RALGAPB: variants seen among roughly 807,000 people sequenced by gnomAD.
The protein encoded by RALGAPB is ral GTPase-activating protein subunit beta.
RALGAPB carries 25 observed loss-of-function variants against 161.1 expected under a neutral mutation model. The observed-to-expected ratio is 0.16, with a 90% CI of 0.11 to 0.22. The LOEUF (loss-of-function observed/expected upper bound fraction) is 0.22, where lower values mean the gene tolerates loss of function less well. Among genes scored for constraint, RALGAPB ranks in the 10% least tolerant of loss-of-function variants. The pLI is 1.00. For synonymous variants in RALGAPB, 629 were observed against 626.1 expected (o/e 1.00, Z -0.07); for missense variants, 1,391 against 1,815.2 (o/e 0.77, Z 4.25).
At position 38,548,769 on chromosome 20, in the gene RALGAPB, C is replaced by T; in HGVS notation, c.2983C>T (p.Pro995Ser). 6.2e-7 allele frequency: 1 copy of T among 1,613,454 alleles called. No individual in the cohort carries two copies. Among genetic ancestry groups the T allele is most frequent in the Non-Finnish European group, 8.5e-7 (1 of 1,179,418 alleles). Reference protein sequence around the residue: ...LAWAQQLCLLPRGAKANQKLF... With the variant: ...LAWAQQLCLLSRGAKANQKLF... ...TTGGGCACAACAGCTTTGTCTTTTA[C>T]CCAGAGGAGCAAAAGCAAATCAGAA... Residue 995 changes from proline (P) to serine (S), a missense_variant, in exon 20 of 30, where the codon CCC becomes TCC. This residue lies in a region of RALGAPB where 946 missense variants were observed against 1,257.2 expected (regional missense o/e 0.75). Coordinates refer to ENST00000262879, the MANE Select transcript of RALGAPB (RefSeq NM_020336.4).
intron 3 of RALGAPB, among the ~76,000 whole-genome samples, chr20:38,496,929 C>G (rs1356160034): frequency 6.6e-6 from 1 of 152,054 alleles, no homozygotes; most frequent in Non-Finnish European, 1.5e-5. Context: ...AGAATTCTTG[C>G]AAATATGTGT....
intron 16 of RALGAPB, among the ~76,000 whole-genome samples, chr20:38,537,044 G>T (rs1391882286): frequency 4.6e-5 from 7 of 152,194 alleles, no homozygotes; most frequent in African/African-American, 7.2e-5. Flanking sequence ...CCTAAATGGA[G>T]CACTGCTCTG....
In RALGAPB at chr20:38,555,604, A is replaced by T. The variant is rs1031699680; in HGVS notation, c.3372+1528A>T. ...AGTAAATAAAAATATACTAGAAGAA[A>T]ATTAATGCTTCCTATGGACTTCAGG... On this transcript the variant is annotated intron_variant, in intron 22 of 29. Transcript: ENST00000262879. 2.0e-5 allele frequency among the ~76,000 whole-genome samples: 3 copies of T among 152,286 alleles called. No individual in the cohort carries two copies. In the East Asian group the frequency reaches 5.8e-4, roughly 29 times the overall value.
In RALGAPB at chr20:38,575,183, A is replaced by G. The variant is rs2088392590; in HGVS notation, c.*216A>G. 9 of 508,306 alleles carry G rather than the reference A, an allele frequency of 1.8e-5. No individual in the cohort carries two copies. Among genetic ancestry groups the G allele is most frequent in the Non-Finnish European group, 2.4e-5 (7 of 287,770 alleles). The allele number at this position is 508,306 out of a possible 1,614,324, so 31.5% of individuals were successfully genotyped here. A position where few individuals can be genotyped will look rare whatever the true frequency, so the allele number is the denominator to read the frequency against. On this transcript the variant is annotated 3_prime_UTR_variant, in exon 30 of 30. Transcript: ENST00000262879. ...CAGACACAATCACACTCCTGCTGAT[A>G]ATGATGATATACATTTTAGCCATAA...
Position 38,524,769 on chromosome 20 carries a change from C to T in RALGAPB, c.1620-9C>T, listed in dbSNP as rs760789036. 4 of 1,585,448 alleles carry T rather than the reference C, an allele frequency of 2.5e-6. No homozygotes were observed. Among genetic ancestry groups the T allele is most frequent in the Non-Finnish European group, 2.6e-6 (3 of 1,160,808 alleles). ...CAGTTTGTTTAAAATTTTTTTCTTG[C>T]TTTCCTAGATTTTACATGCTTTTAA... is the stretch of plus-strand genomic sequence containing the variant. On this transcript the variant is annotated splice_polypyrimidine_tract_variant and intron_variant, in intron 10 of 29. Transcript: ENST00000262879.
At chr20:38,483,783 C>G (rs1194636095) in intron 1 of RALGAPB, among the ~76,000 whole-genome samples, 1 of 152,100 alleles carries the variant, frequency 6.6e-6, no homozygotes, top group Non-Finnish European at 1.5e-5. Context: ...CTAGGAGGGC[C>G]TAGGTGGTGC....
intron 6 of RALGAPB, among the ~76,000 whole-genome samples, chr20:38,510,050 A>G (rs575246622): frequency 7.2e-5 from 11 of 151,782 alleles, no homozygotes; most frequent in African/African-American, 2.7e-4. Context: ...ATTTCTTCCA[A>G]TGTTGTTTCC....
At chr20:38,473,192 C>G in intron 1 of RALGAPB, 123 bp downstream of exon 1, 1 of 307,792 alleles carries the variant, frequency 3.2e-6, no homozygotes, top group Non-Finnish European at 5.9e-6. Context: ...GGGGCCCGGC[C>G]TTTGGAAGCT....
intron 18 of RALGAPB, among the ~76,000 whole-genome samples, chr20:38,541,483 T>G (rs928184705): frequency 2.0e-5 from 3 of 152,182 alleles, no homozygotes; most frequent in African/African-American, 7.2e-5. Context: ...ACCCCCTCAC[T>G]TTGATAGCTA....
chr20:38,519,260 A>G (rs1458045949), intron 9 of RALGAPB, among the ~76,000 whole-genome samples: 1 of 152,188 alleles, frequency 6.6e-6, no homozygotes, highest in Non-Finnish European at 1.5e-5. Flanking sequence ...TACTTACAAT[A>G]AGTGAAAACT....
At chr20:38,566,091 CCTT>C (rs1262108085) in intron 25 of RALGAPB, among the ~76,000 whole-genome samples, 1 of 152,162 alleles carries the variant, frequency 6.6e-6, no homozygotes, top group East Asian at 1.9e-4. Context: ...GGAAACTTCA[CCTT>C]CTTCTTTGAG....
intron 6 of RALGAPB, among the ~76,000 whole-genome samples, chr20:38,515,197 A>G (rs1388631540): frequency 3.3e-5 from 5 of 152,194 alleles, no homozygotes; most frequent in East Asian, 3.9e-4. Context: ...GTCCAGTTCT[A>G]TGGAAACAGT....
chr20:38,523,990 G>A (rs1193900874), intron 10 of RALGAPB, among the ~76,000 whole-genome samples: 4 of 152,168 alleles, frequency 2.6e-5, no homozygotes, highest in Admixed American at 2.6e-4. Flanking sequence ...TCTAGGGAGA[G>A]AGATAGATTG....
intron 3 of RALGAPB, among the ~76,000 whole-genome samples, chr20:38,493,700 C>T (rs988006335): frequency 6.6e-6 from 1 of 152,178 alleles, no homozygotes. Flanking sequence ...TTTGGTCTGT[C>T]ATACGGTGAG....
intron 5 of RALGAPB, among the ~76,000 whole-genome samples, chr20:38,505,225 A>C (rs926665117): frequency 6.6e-6 from 1 of 152,226 alleles, no homozygotes; most frequent in Non-Finnish European, 1.5e-5. Flanking sequence ...GCACATATGC[A>C]CCATGGAATA....
intron 15 of RALGAPB, 76 bp from the exon 16 acceptor site, chr20:38,534,998 G>A: frequency 6.6e-7 from 1 of 1,515,758 alleles, no homozygotes; most frequent in Non-Finnish European, 9.1e-7. Flanking sequence ...TGTGCCTAGT[G>A]GATGCTGTGC....
intron 18 of RALGAPB, 70 bp downstream of exon 18, chr20:38,541,262 AT>A (rs1568957508): frequency 3.5e-6 from 5 of 1,443,628 alleles, no homozygotes; most frequent in African/African-American, 1.4e-5. Flanking sequence ...ATGTTGTTTC[AT>A]TTCCTTCCTG....
chr20:38,539,796 A>G lies in RALGAPB; in HGVS notation c.2400A>G (p.Ser800=), dbSNP rs764364421. 3 of 1,613,730 alleles carry G rather than the reference A, an allele frequency of 1.9e-6. No homozygotes were observed. Among genetic ancestry groups the G allele is most frequent in the Non-Finnish European group, 2.5e-6 (3 of 1,179,798 alleles). The change falls in exon 17 of 30, where the codon TCA becomes TCG. Residue 800 remains serine, a synonymous_variant. Transcript: ENST00000262879. ...GLAKVKVMVD[S]GDRKRAISSV... Reference sequence around the variant, plus strand: ...CTCAGGTAAAAGTGATGGTTGACTCAGGAGACCGGAAGCGAGCCATCAGTT... The same window carrying G: ...CTCAGGTAAAAGTGATGGTTGACTCGGGAGACCGGAAGCGAGCCATCAGTT...
chr20:38,524,775 T>C lies in RALGAPB; in HGVS notation c.1620-3T>C. ...GTTTAAAATTTTTTTCTTGCTTTCC[T>C]AGATTTTACATGCTTTTAATTCAAG... On this transcript the variant is annotated splice_region_variant and splice_polypyrimidine_tract_variant and intron_variant, in intron 10 of 29. Coordinates refer to ENST00000262879, the MANE Select transcript of RALGAPB (RefSeq NM_020336.4). The C allele has an allele frequency of 1.9e-6, 3 of 1,595,392 alleles. No homozygotes were observed. The highest frequency in any genetic ancestry group is 2.6e-6 in the Non-Finnish European group (3 of 1,167,536).
Sources: allele counts gnomAD v4.1 joint callset (sites outside exome capture counted in the v4.1 genomes callset), GRCh38; gene constraint gnomAD v4.1.1; regional missense constraint gnomAD v4.1.1; transcripts MANE v1.5; gene names NCBI Gene and HGNC (gene_info 2026-07-23, HGNC 2026-07-21).